ANKRD28: variants seen among roughly 807,000 people sequenced by gnomAD.
ANKRD28 encodes the protein ankyrin repeat domain 28.
A neutral mutation model predicts 126.5 loss-of-function variants in ANKRD28; 44 were observed. The observed-to-expected ratio is 0.35, with a 90% CI of 0.27 to 0.45. The LOEUF (loss-of-function observed/expected upper bound fraction) is 0.45, where lower values mean the gene tolerates loss of function less well. ANKRD28 is among the 20% of genes least tolerant of loss of function. The pLI is 1.00. For synonymous variants in ANKRD28, 442 were observed against 468.5 expected (o/e 0.94, Z 0.73); for missense variants, 1,110 against 1,316.6 (o/e 0.84, Z 2.43).
chr3:15,838,440 A>C lies in ANKRD28; in HGVS notation c.27+20937T>G, dbSNP rs550627930. 6.6e-6 allele frequency among the ~76,000 whole-genome samples: 1 copy of C among 152,278 alleles called. No individual in the cohort carries two copies. The highest frequency in any genetic ancestry group is 1.9e-4 in the East Asian group (1 of 5,180). ...GCTTATTATACGACCCAGCGATTCT[A>C]CTCAAGAATCTTTGTGGCCAGGCAT... On this transcript the variant is annotated intron_variant, in intron 1 of 27. Coordinates refer to the ANKRD28 transcript ENST00000399451. The surrounding 1 kb of genome is among the most constrained non-coding windows in gnomAD (Gnocchi z 4.0).
At chr3:15,714,883 A>G (rs746997065) in intron 8 of ANKRD28, among the ~76,000 whole-genome samples, 2 of 152,186 alleles carry the variant, frequency 1.3e-5, no homozygotes, top group African/African-American at 4.8e-5. Context: ...TACAATTTAT[A>G]AAAATTGGGA....
chr3:15,713,531 C>A lies in ANKRD28; in HGVS notation c.1186G>T (p.Ala396Ser). 6.2e-7 allele frequency: 1 copy of A among 1,609,978 alleles called. No individual in the cohort carries two copies. Among genetic ancestry groups the A allele is most frequent in the Non-Finnish European group, 8.5e-7 (1 of 1,178,364 alleles). Residue 396 changes from alanine to serine, a missense_variant, in exon 10 of 28, where the codon GCA becomes TCA. Coordinates refer to ENST00000683139, the MANE Select transcript of ANKRD28 (RefSeq NM_001349278.2). ...NTLITSGADT[A>S]KRGIHGMFPL... ...AACACCTCGGTAAGTACTTACTTTG[C>A]AGTGTCAGCACCACTTGTAATAAGA...
At chr3:15,754,170 T>C (rs2125403525) in intron 3 of ANKRD28, among the ~76,000 whole-genome samples, 1 of 152,250 alleles carries the variant, frequency 6.6e-6, no homozygotes, top group East Asian at 1.9e-4. Context: ...AAGGGAAAAT[T>C]CCAGAAATAA....
In ANKRD28 at chr3:15,685,531, A is replaced by G. The variant is rs1016058377; in HGVS notation, c.2170-86T>C. The stretch of plus-strand genomic sequence containing the variant: ...CAGCTAATTAAAAACTTTAAAGACC[A>G]TACTCTCCATATCCTTCCATCAATT... On this transcript the variant is annotated intron_variant, in intron 20 of 27. Transcript: ENST00000683139. 5.3e-6 allele frequency: 6 copies of G among 1,132,576 alleles called. No individual in the cohort carries two copies. The African/African-American group carries it at 9.2e-5, about 17-fold the overall frequency. The allele number at this position is 1,132,576 out of a possible 1,614,324, so 70.2% of individuals were successfully genotyped here.
At chr3:15,721,852 C>A (rs949297252) in intron 7 of ANKRD28, among the ~76,000 whole-genome samples, 10 of 152,126 alleles carry the variant, frequency 6.6e-5, no homozygotes, top group Admixed American at 1.3e-4. Context: ...TCAAGTGATT[C>A]TCCTGCCTCA....
intron 27 of ANKRD28, among the ~76,000 whole-genome samples, chr3:15,673,754 C>G (rs1454869354): frequency 6.6e-6 from 1 of 151,974 alleles, no homozygotes; most frequent in African/African-American, 2.4e-5. Flanking sequence ...AGTAAACAGC[C>G]AGAATGAAGA....
At chr3:15,770,115 C>T (rs565129054) in intron 2 of ANKRD28, among the ~76,000 whole-genome samples, 1 of 151,722 alleles carries the variant, frequency 6.6e-6, no homozygotes, top group East Asian at 1.9e-4. Context: ...GAACACTTGC[C>T]ATATAGGTTG....
chr3:15,840,827 G>A (rs2061411942), intron 1 of ANKRD28, among the ~76,000 whole-genome samples: 1 of 152,166 alleles, frequency 6.6e-6, no homozygotes, highest in South Asian at 2.1e-4. Flanking sequence ...CAGGAAAACT[G>A]GATCTCTACA....
At chr3:15,742,148 C>G (rs1471523704) in intron 4 of ANKRD28, among the ~76,000 whole-genome samples, 1 of 152,092 alleles carries the variant, frequency 6.6e-6, no homozygotes, top group Non-Finnish European at 1.5e-5. Context: ...CAGCCTCTGC[C>G]CGGCCGCCAC....
chr3:15,793,407 T>C (rs902530567), intron 2 of ANKRD28, among the ~76,000 whole-genome samples: 6 of 152,158 alleles, frequency 3.9e-5, no homozygotes, highest in East Asian at 1.9e-4. Flanking sequence ...CTGAAGACAA[T>C]TGTCAAAGAG....
At chr3:15,823,943 GC>G (rs141410014) in intron 1 of ANKRD28, among the ~76,000 whole-genome samples, 13,388 of 152,146 alleles carry the variant, frequency 0.088, 778 homozygotes, top group East Asian at 0.32. Flanking sequence ...AAAACCCACA[GC>G]TAATATCACA....
At chr3:15,835,213 T>C (rs899171708) in intron 1 of ANKRD28, among the ~76,000 whole-genome samples, 1 of 152,122 alleles carries the variant, frequency 6.6e-6, no homozygotes, top group Non-Finnish European at 1.5e-5. Context: ...GAGGATGTTT[T>C]ATCTAATTTT....
At chr3:15,745,829 T>C (rs2057440341) in intron 4 of ANKRD28, among the ~76,000 whole-genome samples, 1 of 152,228 alleles carries the variant, frequency 6.6e-6, no homozygotes, top group African/African-American at 2.4e-5. Flanking sequence ...CCATTGATTC[T>C]ACCCATCCAT....
intron 23 of ANKRD28, 126 bp from the exon 24 acceptor site, chr3:15,678,480 T>A: frequency 1.3e-6 from 1 of 789,090 alleles, no homozygotes; most frequent in Non-Finnish European, 1.9e-6. Flanking sequence ...GCACTGCCTG[T>A]ACACAAACAA....
chr3:15,842,708 C>T (rs1362730131), intron 1 of ANKRD28, among the ~76,000 whole-genome samples: 1 of 152,112 alleles, frequency 6.6e-6, no homozygotes, highest in Non-Finnish European at 1.5e-5. Flanking sequence ...TAAATATATA[C>T]ACCTACTGTG....
chr3:15,724,709 T>C (rs2074026574), intron 6 of ANKRD28, among the ~76,000 whole-genome samples, 185 bp from the exon 7 acceptor site: 2 of 152,178 alleles, frequency 1.3e-5, no homozygotes, highest in Admixed American at 1.3e-4. Flanking sequence ...GTGGGCATAA[T>C]GGCTCATGCC....
intron 1 of ANKRD28, among the ~76,000 whole-genome samples, chr3:15,847,620 C>CA (rs1201430795): frequency 1.3e-5 from 2 of 152,200 alleles, no homozygotes; most frequent in African/African-American, 4.8e-5. Context: ...GTCAAATCCC[C>CA]AGGAGTTACT....
chr3:15,683,343 T>C (rs1478184146), intron 21 of ANKRD28, among the ~76,000 whole-genome samples: 1 of 152,198 alleles, frequency 6.6e-6, no homozygotes, highest in African/African-American at 2.4e-5. Flanking sequence ...TCAAGTCACA[T>C]TACAGAAACA....
At chr3:15,783,782 A>T in intron 2 of ANKRD28, among the ~76,000 whole-genome samples, 1 of 151,998 alleles carries the variant, frequency 6.6e-6, no homozygotes, top group East Asian at 1.9e-4. Context: ...AGTAATAATG[A>T]CTCAGAGTTT....
Sources: allele counts gnomAD v4.1 joint callset (sites outside exome capture counted in the v4.1 genomes callset), GRCh38; gene constraint gnomAD v4.1.1; non-coding constraint Gnocchi (gnomAD v3.1); transcripts MANE v1.5; gene names NCBI Gene and HGNC (gene_info 2026-07-23, HGNC 2026-07-21).